Variants in DOCK5 observed in about 807,000 individuals in gnomAD.
DOCK5 encodes the protein dedicator of cytokinesis protein 5.
In DOCK5, 142 loss-of-function variants were observed where a neutral mutation model predicts 251.8. The observed-to-expected ratio is 0.56, with a 90% CI of 0.49 to 0.65. The LOEUF is 0.65. Among genes scored for constraint, DOCK5 ranks in the 30% least tolerant of loss-of-function variants. DOCK5 has a pLI of 0.00. For missense variants in DOCK5, 2,111 were observed against 2,312.3 expected (o/e 0.91, Z 1.79); for synonymous variants, 842 against 835.5 (o/e 1.01, Z -0.13).
chr8:25,332,761 T>C, intron 20 of DOCK5, 69 bp downstream of exon 20: 1 of 1,158,960 alleles, frequency 8.6e-7, no homozygotes, highest in South Asian at 1.5e-5. Context: ...TTCACTATTA[T>C]AAGTGATTGT....
chr8:25,247,958 G>A (rs574451814), intron 2 of DOCK5, among the ~76,000 whole-genome samples: 193 of 152,158 alleles, frequency 1.3e-3, no homozygotes, highest in African/African-American at 4.3e-3. Flanking sequence ...TAACATTTTT[G>A]CTGCGTCAGC....
At chr8:25,346,818 CA>C (rs1439204732) in intron 26 of DOCK5, among the ~76,000 whole-genome samples, 2 of 139,936 alleles carry the variant, frequency 1.4e-5, no homozygotes, top group Non-Finnish European at 3.0e-5. Flanking sequence ...ATTGAGACTC[CA>C]ACTCCAAAAA....
chr8:25,319,905 A>C (rs928192624), intron 15 of DOCK5, among the ~76,000 whole-genome samples: 1 of 152,238 alleles, frequency 6.6e-6, no homozygotes, highest in African/African-American at 2.4e-5. Context: ...GGTTGACGTG[A>C]TGGATATAAT....
rs146623214 is a variant in DOCK5 at position 25,374,016 on chromosome 8, A to G, written c.3725+358A>G. 1.8e-4 allele frequency among the ~76,000 whole-genome samples: 28 copies of G among 152,260 alleles called. No homozygotes were observed. In the East Asian group the frequency reaches 5.0e-3, roughly 27 times the overall value. On this transcript the variant is annotated intron_variant, in intron 36 of 51. Coordinates refer to ENST00000276440, the MANE Select transcript of DOCK5 (RefSeq NM_024940.8). The stretch of plus-strand genomic sequence containing the variant: ...ACAAACTTGTACGTAACCAACGTGC[A>G]TGTTGTTGGGGAGAGATTCCATAGC...
At chr8:25,225,705 C>CAAA (rs1179458798) in intron 1 of DOCK5, among the ~76,000 whole-genome samples, 1 of 71,090 alleles carries the variant, frequency 1.4e-5, no homozygotes, top group Non-Finnish European at 3.0e-5. Context: ...GACTCAGTCT[C>CAAA]AAAAAAAAAA....
At chr8:25,267,144 T>C (rs1272297503) in intron 2 of DOCK5, among the ~76,000 whole-genome samples, 1 of 152,194 alleles carries the variant, frequency 6.6e-6, no homozygotes, top group East Asian at 1.9e-4. Flanking sequence ...TATATACAGA[T>C]GGGTACAGAC....
rs550337323 is a variant in DOCK5, at chr8:25,384,911, C to T, written c.4131+2133C>T. On this transcript the variant is annotated intron_variant, in intron 40 of 51. Transcript: ENST00000276440. Reference sequence around the variant, plus strand: ...TGGTGCCACTGCACTCCAGCCTGGGCGACAGAGCCAGACTCCATCTCAAAA... The same window carrying T: ...TGGTGCCACTGCACTCCAGCCTGGGTGACAGAGCCAGACTCCATCTCAAAA... Among the ~76,000 whole-genome samples, 5 of 151,938 alleles carry T rather than the reference C, an allele frequency of 3.3e-5. No homozygotes were observed. In the South Asian group the frequency reaches 6.2e-4, roughly 19 times the overall value.
At chr8:25,362,939 G>T (rs1016390597) in intron 28 of DOCK5, 108 bp from the exon 29 acceptor site, 1 of 776,788 alleles carries the variant, frequency 1.3e-6, no homozygotes, top group East Asian at 2.5e-5. Flanking sequence ...GTTACTGTGG[G>T]GCTAGGAACA....
intron 42 of DOCK5, among the ~76,000 whole-genome samples, chr8:25,390,809 T>A (rs564525447): frequency 2.0e-5 from 2 of 99,342 alleles, no homozygotes; most frequent in Non-Finnish European, 5.1e-5. Context: ...TGCATACACC[T>A]TTTTTTTTGT....
At chr8:25,367,089 G>A (rs1256844247) in intron 31 of DOCK5, 119 bp downstream of exon 31, 6 of 879,076 alleles carry the variant, frequency 6.8e-6, no homozygotes, top group Non-Finnish European at 1.1e-5. Flanking sequence ...TGTTAGTGAG[G>A]TAAGTCTTCA....
chr8:25,379,947 C>T (rs1044733251), intron 38 of DOCK5, among the ~76,000 whole-genome samples: 1 of 152,132 alleles, frequency 6.6e-6, no homozygotes, highest in Non-Finnish European at 1.5e-5. Flanking sequence ...TCCAACCAGA[C>T]TTGCATGCTT....
chr8:25,243,841 T>G, intron 2 of DOCK5, 84 bp downstream of exon 2: 1 of 1,288,696 alleles, frequency 7.8e-7, no homozygotes, highest in Non-Finnish European at 1.1e-6. Flanking sequence ...AGAGTAAACA[T>G]CAACATGCTT....
intron 37 of DOCK5, chr8:25,376,451 T>A: frequency 7.4e-6 from 6 of 811,774 alleles, no homozygotes; most frequent in Non-Finnish European, 8.9e-6. Context: ...TCTCTGTCTG[T>A]TCATGTACCA....
At chr8:25,312,439 G>C (rs1471339488) in intron 13 of DOCK5, among the ~76,000 whole-genome samples, 2 of 152,070 alleles carry the variant, frequency 1.3e-5, no homozygotes, top group Non-Finnish European at 2.9e-5. Context: ...TGGTTCATAG[G>C]ATGCCAAGGG....
At chr8:25,240,395 G>A (rs1171158804) in intron 1 of DOCK5, among the ~76,000 whole-genome samples, 3 of 151,746 alleles carry the variant, frequency 2.0e-5, no homozygotes, top group Non-Finnish European at 2.9e-5. Flanking sequence ...AAATATCACC[G>A]CAACCCAGTT....
intron 42 of DOCK5, among the ~76,000 whole-genome samples, chr8:25,390,719 G>A (rs1801242445): frequency 6.6e-6 from 1 of 152,170 alleles, no homozygotes; most frequent in Non-Finnish European, 1.5e-5. Flanking sequence ...CTCATTCCTT[G>A]TCTTGAAAAG....
At position 25,202,005 on chromosome 8, in the gene DOCK5, C is replaced by CAT. The variant is rs1253518364; in HGVS notation, c.43+17067_43+17068dup. On this transcript the variant is annotated intron_variant, in intron 1 of 51. Transcript: ENST00000276440. ...TGCAAGAATCTTCCTGGGAAAAAAA[C>CAT]ATATATATATATATTTTTTTCTTCT... Among the ~76,000 whole-genome samples the CAT allele has an allele frequency of 3.0e-3, 450 of 151,796 alleles. 3 individuals are homozygous for CAT. The highest frequency in any genetic ancestry group is 0.01 in the African/African-American group (421 of 41,392).
intron 1 of DOCK5, among the ~76,000 whole-genome samples, chr8:25,234,629 C>T (rs1802749480): frequency 6.6e-6 from 1 of 152,104 alleles, no homozygotes; most frequent in South Asian, 2.1e-4. Context: ...GCCTGAGGGT[C>T]CTGTGGTGAG....
At chr8:25,284,711 G>A (rs942240871) in intron 5 of DOCK5, among the ~76,000 whole-genome samples, 7 of 152,360 alleles carry the variant, frequency 4.6e-5, no homozygotes, top group Non-Finnish European at 7.3e-5. Flanking sequence ...CTTAGACACG[G>A]TCGGATTCGT....
Sources: allele counts gnomAD v4.1 joint callset (sites outside exome capture counted in the v4.1 genomes callset), GRCh38; gene constraint gnomAD v4.1.1; transcripts MANE v1.5; gene names NCBI Gene and HGNC (gene_info 2026-07-23, HGNC 2026-07-21).